Variants in CFAP20DC observed in about 807,000 individuals in gnomAD.
The protein encoded by CFAP20DC is CFAP20 domain containing.
In CFAP20DC, 84 loss-of-function variants were observed where a neutral mutation model predicts 101.7. The observed-to-expected ratio is 0.83, with a 90% CI of 0.69 to 0.99. The LOEUF is 0.99. CFAP20DC is among the 50% of genes least tolerant of loss of function. The pLI is 0.00. For synonymous variants in CFAP20DC, 359 were observed against 351.2 expected (o/e 1.02, Z -0.25); for missense variants, 1,007 against 970.3 (o/e 1.04, Z -0.50).
chr3:59,042,296 G>C (rs567478537), intron 3 of CFAP20DC, among the ~76,000 whole-genome samples: 4 of 152,036 alleles, frequency 2.6e-5, no homozygotes, highest in Non-Finnish European at 1.5e-5. Flanking sequence ...AGCAGGAGAC[G>C]GGTTTGGCAA....
chr3:58,859,097 T>C lies in CFAP20DC; in HGVS notation c.1593+4461A>G, dbSNP rs555681616. On this transcript the variant is annotated intron_variant, in intron 12 of 16. Transcript: ENST00000482387. This position sits in a 1 kb window ranked among gnomAD's most constrained non-coding sequence, Gnocchi z 4.1. ...CTGGGTGACAAAGATAAGTGATAGT[T>C]GTGTCTTATAATACATTTTACGAGT... Among the ~76,000 whole-genome samples, 30 of 152,330 alleles carry C rather than the reference T, an allele frequency of 2.0e-4. No individual in the cohort carries two copies. The highest frequency in any genetic ancestry group is 7.0e-4 in the African/African-American group (29 of 41,588).
intron 14 of CFAP20DC, among the ~76,000 whole-genome samples, chr3:58,812,079 A>T (rs1196292339): frequency 6.6e-6 from 1 of 152,102 alleles, no homozygotes; most frequent in Non-Finnish European, 1.5e-5. Flanking sequence ...GGATGTGGAG[A>T]AATAGGAACA....
chr3:58,990,435 T>C (rs2092902886), intron 4 of CFAP20DC, among the ~76,000 whole-genome samples: 1 of 152,048 alleles, frequency 6.6e-6, no homozygotes, highest in African/African-American at 2.4e-5. Flanking sequence ...TGCTGAGGAG[T>C]TCTTTGAAAT....
At chr3:58,816,009 G>T (rs2075097789) in intron 14 of CFAP20DC, among the ~76,000 whole-genome samples, 1 of 151,666 alleles carries the variant, frequency 6.6e-6, no homozygotes, top group South Asian at 2.1e-4. Context: ...CCCATTACTG[G>T]GTATATACCC....
chr3:58,870,608 G>C (rs2080091145), intron 7 of CFAP20DC, among the ~76,000 whole-genome samples: 1 of 151,314 alleles, frequency 6.6e-6, no homozygotes, highest in Admixed American at 6.6e-5. Flanking sequence ...AAAAGAAAGG[G>C]CCGGGCGCGG....
intron 14 of CFAP20DC, among the ~76,000 whole-genome samples, chr3:58,817,896 T>A (rs1178076299): frequency 1.3e-5 from 2 of 150,454 alleles, no homozygotes; most frequent in Non-Finnish European, 3.0e-5. Flanking sequence ...GAGAGAAAGG[T>A]CGGGTTACCC....
intron 2 of CFAP20DC, 118 bp from the exon 3 acceptor site, chr3:59,046,440 C>T: frequency 1.5e-6 from 1 of 672,858 alleles, no homozygotes. Context: ...AACTTAAAAG[C>T]AGGCTCAGGC....
chr3:58,940,441 T>TA (rs1211600011), intron 4 of CFAP20DC, among the ~76,000 whole-genome samples: 1 of 152,244 alleles, frequency 6.6e-6, no homozygotes, highest in Admixed American at 6.5e-5. Flanking sequence ...CGTCCCAAAT[T>TA]AGTTTCTGTG....
intron 6 of CFAP20DC, among the ~76,000 whole-genome samples, chr3:58,890,874 G>A (rs2082170139): frequency 6.7e-6 from 1 of 148,992 alleles, no homozygotes; most frequent in South Asian, 2.1e-4. Flanking sequence ...GATGGTGGCT[G>A]GGAAGAGGCG....
intron 15 of CFAP20DC, chr3:58,794,252 A>T (rs1196923997): frequency 2.3e-6 from 1 of 436,628 alleles, no homozygotes; most frequent in Non-Finnish European, 4.7e-6. Context: ...TGCCTACACC[A>T]AACATCCAAC....
At chr3:58,838,004 G>A (rs2076855038) in intron 13 of CFAP20DC, among the ~76,000 whole-genome samples, 1 of 152,140 alleles carries the variant, frequency 6.6e-6, no homozygotes, top group Non-Finnish European at 1.5e-5. Flanking sequence ...TCTCAAGCTA[G>A]GCATCATACC....
intron 6 of CFAP20DC, among the ~76,000 whole-genome samples, chr3:58,907,924 A>G (rs1211359750): frequency 1.3e-5 from 2 of 152,216 alleles, no homozygotes; most frequent in Non-Finnish European, 2.9e-5. Flanking sequence ...ATTTCAGGCC[A>G]TCTGAGAGGC....
chr3:58,960,282 C>T (rs1186665412), intron 4 of CFAP20DC, among the ~76,000 whole-genome samples: 4 of 151,874 alleles, frequency 2.6e-5, no homozygotes, highest in Non-Finnish European at 5.9e-5. Flanking sequence ...CACCTGAGGT[C>T]GGGAGTTCGG....
rs553600893 is a variant in CFAP20DC, at chr3:58,882,108, T to C, written c.715+2437A>G. 1.2e-4 allele frequency among the ~76,000 whole-genome samples: 18 copies of C among 152,250 alleles called. No individual in the cohort carries two copies. The highest frequency in any genetic ancestry group is 8.3e-4 in the South Asian group (4 of 4,826). Reference sequence around the variant, plus strand: ...ACCCTATGGTTACAAACGAATATAATTGGGATTCACAGAGCAGAAGAAATA... The same window carrying C: ...ACCCTATGGTTACAAACGAATATAACTGGGATTCACAGAGCAGAAGAAATA... On this transcript the variant is annotated intron_variant, in intron 7 of 16. Transcript: ENST00000482387. The surrounding 1 kb of genome is among the most constrained non-coding windows in gnomAD (Gnocchi z 4.2).
chr3:59,040,613 C>A (rs1699283615), intron 3 of CFAP20DC, among the ~76,000 whole-genome samples: 1 of 151,962 alleles, frequency 6.6e-6, no homozygotes, highest in Non-Finnish European at 1.5e-5. Context: ...GGCAACTAGT[C>A]TAAAACTCAT....
In CFAP20DC at chr3:58,913,547, A is replaced by G. The variant is rs930571378; in HGVS notation, c.550+161T>C. On this transcript the variant is annotated intron_variant, in intron 6 of 16. Transcript: ENST00000482387. The surrounding 1 kb of genome is among the most constrained non-coding windows in gnomAD (Gnocchi z 4.4). ...TGACATTCAGCTATAGTAAAAATAA[A>G]CATTTGATCTAGAACAAAGAAATCA... 2 of 679,846 alleles carry G rather than the reference A, an allele frequency of 2.9e-6. No individual in the cohort carries two copies. The highest frequency in any genetic ancestry group is 2.7e-5 in the Admixed American group (1 of 37,574). 42.1% of individuals were successfully genotyped at this position (679,846 alleles called of 1,614,324 possible).
chr3:58,774,836 C>A (rs779177867), intron 15 of CFAP20DC, among the ~76,000 whole-genome samples: 1 of 152,138 alleles, frequency 6.6e-6, no homozygotes, highest in Non-Finnish European at 1.5e-5. Flanking sequence ...ACAGTTTTAG[C>A]TATAAAGTGA....
chr3:58,826,565 C>G (rs1332471703), intron 14 of CFAP20DC, among the ~76,000 whole-genome samples: 1 of 152,148 alleles, frequency 6.6e-6, no homozygotes, highest in Non-Finnish European at 1.5e-5. Context: ...GTTTGGTTTT[C>G]TGTTCCTGTA....
rs745766756 is a variant in CFAP20DC at position 58,897,321 on chromosome 3, C to T, written c.551-12612G>A. On this transcript the variant is annotated intron_variant, in intron 6 of 16. Coordinates refer to ENST00000482387, the MANE Select transcript of CFAP20DC (RefSeq NM_001394063.1). The surrounding 1 kb of genome is among the most constrained non-coding windows in gnomAD (Gnocchi z 4.4). ...CATACCATGAATCTTGGCTCATTAT[C>T]CAGCTTGCCATTGTGTCTTTTAATG... 2.0e-4 allele frequency among the ~76,000 whole-genome samples: 30 copies of T among 152,252 alleles called. No individual in the cohort carries two copies. The highest frequency in any genetic ancestry group is 6.8e-3 in the Middle Eastern group (2 of 294).
Sources: gnomAD v4.1 joint callset for allele counts (sites outside exome capture counted in the v4.1 genomes callset) on GRCh38, gnomAD v4.1.1 for gene constraint, Gnocchi (gnomAD v3.1) non-coding constraint, MANE v1.5 for transcripts, NCBI Gene and HGNC (gene_info 2026-07-23, HGNC 2026-07-21) for gene names.